Variants in AGBL4 observed in about 807,000 individuals in gnomAD.
AGBL4 encodes the protein cytosolic carboxypeptidase 6.
Under a neutral mutation model 66.4 loss-of-function variants are expected in AGBL4, and 58 were observed. That is an observed-to-expected ratio of 0.87 (90% CI 0.71 to 1.09). AGBL4 has a LOEUF of 1.09. Ranked by LOEUF, AGBL4 falls within the 50% of genes least tolerant of loss-of-function variation. AGBL4 has a pLI of 0.00. For synonymous variants in AGBL4, 234 were observed against 222.9 expected (o/e 1.05, Z -0.44); for missense variants, 579 against 631.0 (o/e 0.92, Z 0.88).
intron 4 of AGBL4, among the ~76,000 whole-genome samples, chr1:49,076,671 C>T (rs577212984): frequency 9.9e-5 from 15 of 152,278 alleles, no homozygotes; most frequent in Admixed American, 2.0e-4. Context: ...GGACATTTGT[C>T]AACACACATT....
chr1:49,758,209 C>A (rs966079196), intron 2 of AGBL4, among the ~76,000 whole-genome samples: 6 of 152,186 alleles, frequency 3.9e-5, no homozygotes, highest in African/African-American at 1.4e-4. Context: ...AGCATTGGAA[C>A]CTCTTCCTAG....
chr1:48,971,182 T>C (rs552902309), intron 5 of AGBL4, among the ~76,000 whole-genome samples: 2 of 152,100 alleles, frequency 1.3e-5, no homozygotes, highest in Non-Finnish European at 2.9e-5. Context: ...AGGTGAGCAG[T>C]GGGCAAGGAG....
At chr1:49,780,864 T>C (rs748131720) in intron 2 of AGBL4, among the ~76,000 whole-genome samples, 10 of 152,144 alleles carry the variant, frequency 6.6e-5, no homozygotes, top group Non-Finnish European at 1.5e-4. Flanking sequence ...CATAAATTCC[T>C]ATCAATAATA....
intron 6 of AGBL4, among the ~76,000 whole-genome samples, chr1:48,860,485 C>T (rs1365749528): frequency 6.6e-6 from 1 of 152,022 alleles, no homozygotes; most frequent in Admixed American, 6.6e-5. Context: ...ATAAGGGAGA[C>T]TAAAAGTACA....
intron 6 of AGBL4, among the ~76,000 whole-genome samples, chr1:48,705,405 G>A (rs1039405926): frequency 5.3e-5 from 8 of 152,120 alleles, no homozygotes; most frequent in Non-Finnish European, 1.2e-4. Context: ...ACTTACAAGA[G>A]ATAAATCTCA....
At chr1:49,815,497 T>G (rs942369115) in intron 2 of AGBL4, among the ~76,000 whole-genome samples, 1 of 152,222 alleles carries the variant, frequency 6.6e-6, no homozygotes, top group Non-Finnish European at 1.5e-5. Context: ...AGATATATTT[T>G]TGATATACTG....
At chr1:49,118,532 A>G (rs1645581144) in intron 4 of AGBL4, among the ~76,000 whole-genome samples, 1 of 152,248 alleles carries the variant, frequency 6.6e-6, no homozygotes, top group Admixed American at 6.5e-5. Flanking sequence ...CTGGCCCTGC[A>G]TCCCAGGGAT....
chr1:49,564,311 T>C (rs1411838302), intron 3 of AGBL4, among the ~76,000 whole-genome samples: 2 of 152,224 alleles, frequency 1.3e-5, no homozygotes, highest in Admixed American at 1.3e-4. Context: ...TTTCCTTCAG[T>C]TCTGCTCTGA....
chr1:49,235,848 G>A (rs1488604275), intron 4 of AGBL4, among the ~76,000 whole-genome samples: 1 of 152,082 alleles, frequency 6.6e-6, no homozygotes, highest in African/African-American at 2.4e-5. Context: ...GCTCAGAGAG[G>A]TTAAGTTACC....
chr1:49,588,621 G>T (rs369909959), intron 3 of AGBL4, among the ~76,000 whole-genome samples: 1 of 152,096 alleles, frequency 6.6e-6, no homozygotes, highest in Admixed American at 6.6e-5. Context: ...CATTTGAACC[G>T]CCAACCCAGA....
At chr1:48,523,488 G>T in the AGBL4 span, among the ~76,000 whole-genome samples, 2 of 152,222 alleles carry the variant, frequency 1.3e-5, no homozygotes, top group African/African-American at 4.8e-5. Context: ...GAGGGGAAAT[G>T]ACAGCAGCTG....
chr1:49,571,515 GCAAA>G (rs1365067976), intron 3 of AGBL4, among the ~76,000 whole-genome samples: 1 of 152,046 alleles, frequency 6.6e-6, no homozygotes, highest in African/African-American at 2.4e-5. Context: ...AATATCATCA[GCAAA>G]CAGAGATAAT....
At chr1:49,475,476 T>C (rs1370269535) in intron 3 of AGBL4, among the ~76,000 whole-genome samples, 1 of 151,480 alleles carries the variant, frequency 6.6e-6, no homozygotes, top group African/African-American at 2.4e-5. Flanking sequence ...CTCTCCTCAA[T>C]TTTTTTGGAA....
chr1:49,073,772 G>C (rs1239223077), intron 4 of AGBL4, among the ~76,000 whole-genome samples: 1 of 152,226 alleles, frequency 6.6e-6, no homozygotes, highest in Non-Finnish European at 1.5e-5. Context: ...ATTAGAACTT[G>C]AACACTGTGC....
intron 4 of AGBL4, among the ~76,000 whole-genome samples, chr1:49,180,602 G>C (rs1646913770): frequency 6.6e-6 from 1 of 152,172 alleles, no homozygotes; most frequent in Non-Finnish European, 1.5e-5. Context: ...TTTAGTCCCT[G>C]ATCAACCATG....
In AGBL4 at chr1:49,690,063, C is replaced by T. The variant is rs552011163; in HGVS notation, c.282+7250G>A. 6.6e-5 allele frequency among the ~76,000 whole-genome samples: 10 copies of T among 152,306 alleles called. 1 individual carries two copies. The highest frequency in any genetic ancestry group is 5.2e-4 in the Admixed American group (8 of 15,300). ...ACCCTGATCAGTCAGCAGCCATGAA[C>T]ATCAAGGCAAGACCCTTCACCAGCC... is the stretch of plus-strand genomic sequence containing the variant. On this transcript the variant is annotated intron_variant, in intron 3 of 13. Transcript: ENST00000371839.
intron 6 of AGBL4, among the ~76,000 whole-genome samples, chr1:48,703,816 A>C (rs1646840092): frequency 6.6e-6 from 1 of 152,242 alleles, no homozygotes; most frequent in African/African-American, 2.4e-5. Flanking sequence ...AAAACATATA[A>C]AATTCTATGT....
chr1:49,785,237 G>C (rs2147914281), intron 2 of AGBL4, among the ~76,000 whole-genome samples: 1 of 152,088 alleles, frequency 6.6e-6, no homozygotes, highest in East Asian at 1.9e-4. Flanking sequence ...TCTGACCAAA[G>C]AGAAATAAGT....
At chr1:49,049,997 T>C (rs1374853196) in intron 4 of AGBL4, among the ~76,000 whole-genome samples, 1 of 151,844 alleles carries the variant, frequency 6.6e-6, no homozygotes, top group Non-Finnish European at 1.5e-5. Context: ...AAAGGTAGAG[T>C]CAAGGACCTT....
Sources: allele counts gnomAD v4.1 joint callset (sites outside exome capture counted in the v4.1 genomes callset), GRCh38; gene constraint gnomAD v4.1.1; transcripts MANE v1.5; gene names NCBI Gene and HGNC (gene_info 2026-07-23, HGNC 2026-07-21).